Variants in RIC1 observed in about 807,000 individuals in gnomAD.
RIC1 encodes the protein RIC1 partner of RAB6A GEF complex, also known as guanine nucleotide exchange factor subunit RIC1.
RIC1 carries 88 observed loss-of-function variants against 169.0 expected under a neutral mutation model. The ratio of observed to expected loss-of-function variants is 0.52; its 90% confidence interval spans 0.44 to 0.62. The LOEUF (loss-of-function observed/expected upper bound fraction) is 0.62. Among genes scored for constraint, RIC1 ranks in the 20% least tolerant of loss-of-function variants. The pLI, the probability that RIC1 is intolerant of heterozygous loss-of-function variation, is 0.00. For missense variants in RIC1, 1,877 were observed against 1,725.5 expected (o/e 1.09, Z -1.56); for synonymous variants, 790 against 601.5 (o/e 1.31, Z -4.59).
chr9:5,708,304 AAAAG>A (rs1822721900), intron 3 of RIC1, among the ~76,000 whole-genome samples: 1 of 152,160 alleles, frequency 6.6e-6, no homozygotes. Flanking sequence ...TATAGGGAAA[AAAAG>A]GCAGATTTCT....
At chr9:5,713,679 C>G in intron 3 of RIC1, 1 of 307,992 alleles carries the variant, frequency 3.2e-6, no homozygotes, top group Non-Finnish European at 6.0e-6. Context: ...TCCCACCCTC[C>G]TAACACAAAT....
intron 6 of RIC1, among the ~76,000 whole-genome samples, chr9:5,724,870 C>T (rs1335827003): frequency 2.0e-5 from 3 of 152,132 alleles, no homozygotes; most frequent in Non-Finnish European, 4.4e-5. Context: ...TATTGATTTT[C>T]GTATCTTGAA....
At chr9:5,716,667 C>T (rs955496225) in intron 4 of RIC1, among the ~76,000 whole-genome samples, 5 of 152,188 alleles carry the variant, frequency 3.3e-5, no homozygotes, top group Middle Eastern at 3.2e-3. Flanking sequence ...TATTAGTTAT[C>T]GAACAGGGTT....
At chr9:5,698,108 A>T (rs1020635099) in intron 3 of RIC1, among the ~76,000 whole-genome samples, 5 of 152,316 alleles carry the variant, frequency 3.3e-5, no homozygotes, top group African/African-American at 1.2e-4. Context: ...TTGCCACATT[A>T]TTCTTTTCTT....
At chr9:5,698,321 TTTTTACC>T (rs1354827205) in intron 3 of RIC1, among the ~76,000 whole-genome samples, 2 of 152,310 alleles carry the variant, frequency 1.3e-5, no homozygotes, top group East Asian at 3.9e-4. Context: ...TGATTTTTGG[TTTTTACC>T]AATTTGATGA....
At chr9:5,701,630 C>G (rs1822227794) in intron 3 of RIC1, among the ~76,000 whole-genome samples, 1 of 151,452 alleles carries the variant, frequency 6.6e-6, no homozygotes, top group South Asian at 2.1e-4. Context: ...TACATTTTCT[C>G]TTGAAAATTC....
At chr9:5,632,255 T>C (rs1440060794) in intron 1 of RIC1, among the ~76,000 whole-genome samples, 1 of 152,240 alleles carries the variant, frequency 6.6e-6, no homozygotes, top group South Asian at 2.1e-4. Context: ...AGTCGTTTAG[T>C]AGTCTAAGCT....
At chr9:5,716,923 C>T (rs1307021869) in intron 4 of RIC1, among the ~76,000 whole-genome samples, 2 of 152,236 alleles carry the variant, frequency 1.3e-5, no homozygotes, top group Non-Finnish European at 2.9e-5. Context: ...CCTCCTGCCT[C>T]AGCCTCCTAG....
intron 7 of RIC1, among the ~76,000 whole-genome samples, chr9:5,733,431 T>A (rs1345955110): frequency 6.6e-6 from 1 of 151,664 alleles, no homozygotes; most frequent in East Asian, 1.9e-4. Flanking sequence ...GCCCAGCTAA[T>A]TTTTTTTGTA....
At chr9:5,699,670 A>G (rs1822104971) in intron 3 of RIC1, among the ~76,000 whole-genome samples, 1 of 152,172 alleles carries the variant, frequency 6.6e-6, no homozygotes. Context: ...ATGTAAATCA[A>G]TTTTTGTAAA....
At chr9:5,736,528 C>T (rs1173748296) in intron 7 of RIC1, among the ~76,000 whole-genome samples, 3 of 152,020 alleles carry the variant, frequency 2.0e-5, no homozygotes, top group Non-Finnish European at 2.9e-5. Context: ...GAGATAAGCA[C>T]ATGGAAATCA....
At position 5,772,577 on chromosome 9, in the gene RIC1, T is replaced by C. The variant is rs1276930270; in HGVS notation, c.3630T>C (p.Ser1210=). 6.2e-7 allele frequency: 1 copy of C among 1,609,950 alleles called. No individual in the cohort carries two copies. The highest frequency in any genetic ancestry group is 8.5e-7 in the Non-Finnish European group (1 of 1,178,782). ...ATTCTTCATCAGGTGATGAATGCAGTATTGGTTCAGCCACAGACTTGACTG... is the reference window on the plus strand; with the variant it reads ...ATTCTTCATCAGGTGATGAATGCAGCATTGGTTCAGCCACAGACTTGACTG... ...SPLSNKGDEC[S]IGSATDLTES... Residue 1210 remains serine (S), a synonymous_variant, in exon 24 of 26, where the codon AGT becomes AGC. Transcript: ENST00000414202.
Position 5,656,524 on chromosome 9 carries a change from G to C in RIC1, c.145-59G>C, listed in dbSNP as rs1043842706. 7 of 708,580 alleles carry C rather than the reference G, an allele frequency of 9.9e-6. No homozygotes were observed. The African/African-American group carries it at 1.1e-4, about 11-fold the overall frequency. 43.9% of individuals were successfully genotyped at this position (708,580 alleles called of 1,614,324 possible). A position where few individuals can be genotyped will look rare whatever the true frequency, so the allele number is the denominator to read the frequency against. On this transcript the variant is annotated intron_variant, in intron 1 of 25. Coordinates refer to ENST00000414202, the MANE Select transcript of RIC1 (RefSeq NM_020829.4). ...TACTCTGTTATCTTAAATTTTATTT[G>C]TGTATTTTTATGAGATATTGATAAA...
At chr9:5,688,681 C>G (rs2130700332) in intron 2 of RIC1, among the ~76,000 whole-genome samples, 1 of 152,220 alleles carries the variant, frequency 6.6e-6, no homozygotes, top group East Asian at 1.9e-4. Context: ...AAAAAGAAAG[C>G]AAACCACCTG....
rs562046047 is a variant in RIC1 at position 5,720,811 on chromosome 9, T to C, written c.720+61T>C. ...TGTGTACTTATTTTATTCTTTGTTA[T>C]CAAATTCTTCTCTATTTTCATCATT... On this transcript the variant is annotated intron_variant, in intron 6 of 25. Transcript: ENST00000414202. The C allele has an allele frequency of 2.3e-5, 31 of 1,343,894 alleles. No homozygotes were observed. The African/African-American group carries it at 4.2e-4, about 18-fold the overall frequency. 83.2% of individuals were successfully genotyped at this position (1,343,894 alleles called of 1,614,324 possible).
intron 3 of RIC1, among the ~76,000 whole-genome samples, chr9:5,692,490 C>T (rs562353311): frequency 6.6e-6 from 1 of 152,066 alleles, no homozygotes; most frequent in African/African-American, 2.4e-5. Flanking sequence ...ACATATATAT[C>T]TACTTGATAT....
chr9:5,713,831 G>A (rs1450513036), intron 3 of RIC1, 65 bp from the exon 4 acceptor site: 12 of 920,402 alleles, frequency 1.3e-5, no homozygotes, highest in Non-Finnish European at 1.9e-5. Flanking sequence ...TTGATTGTAT[G>A]TGTATTAGCC....
At chr9:5,717,172 A>G (rs1285760236) in intron 4 of RIC1, among the ~76,000 whole-genome samples, 4 of 152,086 alleles carry the variant, frequency 2.6e-5, no homozygotes, top group Admixed American at 6.5e-5. Context: ...TTATTCACAC[A>G]TCTGGCCAGT....
At chr9:5,726,825 C>T (rs1374123965) in intron 6 of RIC1, among the ~76,000 whole-genome samples, 3 of 152,144 alleles carry the variant, frequency 2.0e-5, no homozygotes, top group African/African-American at 7.2e-5. Context: ...CTTAGTTTGG[C>T]TGGATATGAA....
Sources: allele counts gnomAD v4.1 joint callset (sites outside exome capture counted in the v4.1 genomes callset), GRCh38; gene constraint gnomAD v4.1.1; transcripts MANE v1.5; gene names NCBI Gene and HGNC (gene_info 2026-07-23, HGNC 2026-07-21).